FAAH2: variants seen among roughly 807,000 people sequenced by gnomAD.
FAAH2 encodes the protein fatty-acid amide hydrolase 2.
In FAAH2, 60 loss-of-function variants were observed where a neutral mutation model predicts 36.9. The ratio of observed to expected loss-of-function variants is 1.63; its 90% CI spans 1.32 to 2.02. The LOEUF is 2.02. Ranked by LOEUF, FAAH2 falls within the 30% of genes most tolerant of loss-of-function variation. The pLI, the probability that FAAH2 is intolerant of heterozygous loss-of-function variation, is 0.00. For missense variants in FAAH2, 689 were observed against 397.5 expected, an observed-to-expected ratio of 1.73 and a Z score of -6.23; for synonymous variants, 214 against 143.8, an observed-to-expected ratio of 1.49 and a Z score of -3.49.
At chrX:57,320,043 A>C (rs976100844) in intron 3 of FAAH2, among the ~76,000 whole-genome samples, 8 of 112,269 alleles carry the variant, frequency 7.1e-5, no homozygotes, top group Non-Finnish European at 1.3e-4. Flanking sequence ...CTTAAACTTA[A>C]GACTTAAAAC....
chrX:57,357,524 A>G (rs963487430), intron 5 of FAAH2, among the ~76,000 whole-genome samples: 1 of 112,150 alleles, frequency 8.9e-6, no homozygotes, highest in Non-Finnish European at 1.9e-5. Flanking sequence ...AAGTGGGCAA[A>G]GGATATGAAT....
chrX:57,181,632 A>G, the FAAH2 span, among the ~76,000 whole-genome samples: 1 of 112,047 alleles, frequency 8.9e-6, no homozygotes, highest in African/African-American at 3.2e-5. Flanking sequence ...AATAATTAAT[A>G]TGTTAAAAAT....
chrX:57,394,928 G>A (rs2055256809), intron 7 of FAAH2: 2 of 639,638 alleles, frequency 3.1e-6, no homozygotes, highest in Non-Finnish European at 5.3e-6. Flanking sequence ...ATGCCTTCTG[G>A]CAATCTGCAC....
At chrX:57,406,152 CT>C (rs1296282644) in intron 7 of FAAH2, among the ~76,000 whole-genome samples, 1 of 111,610 alleles carries the variant, frequency 9.0e-6, no homozygotes, top group African/African-American at 3.3e-5. Flanking sequence ...CATGTATGAC[CT>C]TTTGCCTCCA....
intron 3 of FAAH2, among the ~76,000 whole-genome samples, chrX:57,328,253 G>A (rs1032162618): frequency 5.4e-5 from 6 of 111,532 alleles, no homozygotes; most frequent in African/African-American, 2.0e-4. Flanking sequence ...GCCCCTACTT[G>A]GGGGTGCCTC....
intron 8 of FAAH2, among the ~76,000 whole-genome samples, chrX:57,436,249 C>T (rs2056407618): frequency 9.1e-6 from 1 of 110,009 alleles, no homozygotes; most frequent in East Asian, 2.8e-4. Context: ...TATTAAATGC[C>T]TATACTAAAA....
At position 57,489,034 on chromosome X, in the gene FAAH2, A is replaced by T. The variant is rs1158100129; in HGVS notation, c.*102A>T. The stretch of plus-strand genomic sequence containing the variant: ...AGCACCAGCAGACAAGCAGAGAAAC[A>T]ACTGGGGAATTTATTGACTCATTTA... On this transcript the variant is annotated 3_prime_UTR_variant, in exon 11 of 11. Transcript: ENST00000374900. 1.2e-6 allele frequency: 1 copy of T among 843,688 alleles called. No homozygotes were observed. Among genetic ancestry groups the T allele is most frequent in the Non-Finnish European group, 1.6e-6 (1 of 616,852 alleles). The allele number at this position is 843,688 out of a possible 1,213,427, so 69.5% of individuals were successfully genotyped here.
At chrX:57,138,352 G>A in the FAAH2 span, among the ~76,000 whole-genome samples, 1 of 110,863 alleles carries the variant, frequency 9.0e-6, no homozygotes, top group Non-Finnish European at 1.9e-5. Context: ...AAAACAATAT[G>A]TTGGCTAACA....
At chrX:57,421,307 G>A (rs1434182486) in intron 7 of FAAH2, among the ~76,000 whole-genome samples, 5 of 111,927 alleles carry the variant, frequency 4.5e-5, no homozygotes, top group African/African-American at 1.6e-4. Context: ...ATCCAGGTGT[G>A]GTGGTGTGCG....
intron 7 of FAAH2, among the ~76,000 whole-genome samples, chrX:57,414,216 C>T (rs1569327757): frequency 3.6e-5 from 4 of 111,627 alleles, no homozygotes; most frequent in Admixed American, 9.5e-5. Context: ...TTCTCTTGCC[C>T]GATTGCCCTG....
At chrX:57,351,024 C>G (rs1427837796) in intron 5 of FAAH2, among the ~76,000 whole-genome samples, 1 of 111,581 alleles carries the variant, frequency 9.0e-6, no homozygotes, top group Non-Finnish European at 1.9e-5. Context: ...TTCCTGACAA[C>G]TGAAGAATAT....
chrX:57,309,821 G>C (rs969525584), intron 2 of FAAH2, among the ~76,000 whole-genome samples: 2 of 111,848 alleles, frequency 1.8e-5, no homozygotes, highest in Non-Finnish European at 3.8e-5. Flanking sequence ...TCTTTATCCA[G>C]TCTACCATTG....
the FAAH2 span, among the ~76,000 whole-genome samples, chrX:57,132,085 A>G: frequency 8.9e-6 from 1 of 112,450 alleles, no homozygotes; most frequent in South Asian, 3.7e-4. Context: ...TACGTAATGA[A>G]TTTTGAACAA....
the FAAH2 span, among the ~76,000 whole-genome samples, chrX:57,169,187 T>C: frequency 9.2e-6 from 1 of 109,155 alleles, no homozygotes; most frequent in Non-Finnish European, 1.9e-5. Flanking sequence ...TAGGGACTTA[T>C]CCTTATGATC....
At chrX:57,395,063 G>T (rs930450987) in intron 7 of FAAH2, 5 of 551,264 alleles carry the variant, frequency 9.1e-6, no homozygotes, top group Non-Finnish European at 1.7e-5. Flanking sequence ...CTTTTCAGGT[G>T]CAATAGCATT....
At chrX:57,152,610 C>A in the FAAH2 span, among the ~76,000 whole-genome samples, 2 of 112,175 alleles carry the variant, frequency 1.8e-5, no homozygotes, top group South Asian at 3.8e-4. Context: ...TTTTTTAAGC[C>A]AGTTGGAAAA....
the FAAH2 span, among the ~76,000 whole-genome samples, chrX:57,195,529 C>T: frequency 9.0e-6 from 1 of 111,524 alleles, no homozygotes; most frequent in African/African-American, 3.3e-5. Context: ...ATGCAGTTTG[C>T]AAATATTTTC....
chrX:57,362,269 A>T (rs751196399), intron 5 of FAAH2, among the ~76,000 whole-genome samples: 1 of 110,736 alleles, frequency 9.0e-6, no homozygotes, highest in East Asian at 2.9e-4. Flanking sequence ...ACCAAACACC[A>T]CATGTTCTCA....
chrX:57,446,324 G>T (rs2056673338), intron 8 of FAAH2, among the ~76,000 whole-genome samples: 1 of 111,875 alleles, frequency 8.9e-6, no homozygotes. Context: ...TTTCTTGCAT[G>T]CATAGTTGTT....
Sources: gnomAD v4.1 joint callset for allele counts (sites outside exome capture counted in the v4.1 genomes callset) on GRCh38, gnomAD v4.1.1 for gene constraint, MANE v1.5 for transcripts, NCBI Gene and HGNC (gene_info 2026-07-23, HGNC 2026-07-21) for gene names.